UBR1: variants seen among roughly 807,000 people sequenced by gnomAD.
UBR1 encodes ubiquitin protein ligase E3 component n-recognin 1, also known as E3 ubiquitin-protein ligase UBR1.
A neutral mutation model predicts 242.1 loss-of-function variants in UBR1; 102 were observed. The observed-to-expected ratio is 0.42, with a 90% CI of 0.36 to 0.50. The LOEUF (loss-of-function observed/expected upper bound fraction) is 0.50. Among genes scored for constraint, UBR1 ranks in the 20% least tolerant of loss-of-function variants. The pLI, the probability that UBR1 is intolerant of heterozygous loss-of-function variation, is 0.01. For missense variants in UBR1, 1,772 were observed against 2,101.8 expected (o/e 0.84, Z 3.07); for synonymous variants, 675 against 684.8 (o/e 0.99, Z 0.22).
At chr15:43,008,802 G>A (rs2032873137) in intron 29 of UBR1, among the ~76,000 whole-genome samples, 1 of 152,208 alleles carries the variant, frequency 6.6e-6, no homozygotes, top group Non-Finnish European at 1.5e-5. Flanking sequence ...GCAGGAAGGA[G>A]CTACCCAATT....
rs1215477910 is a variant in UBR1 at position 43,021,275 on chromosome 15, C to T, written c.2940G>A (p.Gln980=). The part of the protein sequence containing the change: ...GQKDMITWIL[Q]MFDTVKRLRE... Reference sequence around the variant, plus strand: ...TGATCACTTTACTTTTTTAGTTTACCTGAAGTATCCACGTTATCATGTCCT... The same window carrying T: ...TGATCACTTTACTTTTTTAGTTTACTTGAAGTATCCACGTTATCATGTCCT... The change falls in exon 27 of 47, where the codon CAG becomes CAA. Residue 980 remains glutamine, a splice_region_variant and synonymous_variant. Coordinates refer to ENST00000290650, the MANE Select transcript of UBR1 (RefSeq NM_174916.3). 1 of 1,613,196 alleles carries T rather than the reference C, an allele frequency of 6.2e-7. No individual in the cohort carries two copies. Among genetic ancestry groups the T allele is most frequent in the Non-Finnish European group, 8.5e-7 (1 of 1,179,374 alleles).
chr15:43,034,888 CAA>C (rs201319494), intron 19 of UBR1, among the ~76,000 whole-genome samples: 12 of 91,692 alleles, frequency 1.3e-4, no homozygotes, highest in Non-Finnish European at 1.5e-4. Flanking sequence ...ACGCCATCTC[CAA>C]AAAAAAAAAA....
At chr15:43,013,987 T>C (rs1036810337) in intron 29 of UBR1, among the ~76,000 whole-genome samples, 1 of 152,130 alleles carries the variant, frequency 6.6e-6, no homozygotes, top group African/African-American at 2.4e-5. Flanking sequence ...CCCCGCCTGA[T>C]TCTCCTGCCT....
intron 3 of UBR1, among the ~76,000 whole-genome samples, chr15:43,079,736 C>G (rs1160774018): frequency 1.3e-5 from 2 of 151,908 alleles, no homozygotes; most frequent in African/African-American, 4.8e-5. Flanking sequence ...GAGCTGAGAT[C>G]GTGCCACTGC....
At chr15:42,953,541 G>A (rs899380724) in intron 44 of UBR1, among the ~76,000 whole-genome samples, 1 of 152,162 alleles carries the variant, frequency 6.6e-6, no homozygotes, top group Non-Finnish European at 1.5e-5. Flanking sequence ...TTTCACTTCC[G>A]GGAGGTTGCT....
At chr15:43,013,929 C>T (rs535153953) in intron 29 of UBR1, among the ~76,000 whole-genome samples, 93 of 152,082 alleles carry the variant, frequency 6.1e-4, no homozygotes, top group Middle Eastern at 3.4e-3. Flanking sequence ...CCTCTGATGC[C>T]GAGCTGAAGC....
intron 1 of UBR1, among the ~76,000 whole-genome samples, chr15:43,089,087 G>A (rs964757104): frequency 4.6e-5 from 7 of 151,598 alleles, no homozygotes; most frequent in African/African-American, 1.2e-4. Flanking sequence ...GCTTGAACCC[G>A]AGAGGCAGAA....
At chr15:43,029,170 C>G (rs1182003138) in intron 21 of UBR1, among the ~76,000 whole-genome samples, 1 of 151,420 alleles carries the variant, frequency 6.6e-6, no homozygotes, top group Non-Finnish European at 1.5e-5. Context: ...AAAGCCTTGA[C>G]AGCACAAATA....
intron 29 of UBR1, among the ~76,000 whole-genome samples, chr15:43,008,054 G>C (rs763932745): frequency 6.6e-6 from 1 of 152,192 alleles, no homozygotes; most frequent in Admixed American, 6.5e-5. Flanking sequence ...TGTGAAGCTA[G>C]GCACTGTTTC....
chr15:43,018,927 T>C (rs184780524), intron 27 of UBR1, among the ~76,000 whole-genome samples: 49 of 152,366 alleles, frequency 3.2e-4, no homozygotes, highest in African/African-American at 1.1e-3. Context: ...AATGCTGAAC[T>C]AAATGGTACC....
At chr15:43,099,359 T>C (rs768850663) in intron 1 of UBR1, among the ~76,000 whole-genome samples, 6 of 151,932 alleles carry the variant, frequency 3.9e-5, no homozygotes, top group Non-Finnish European at 8.8e-5. Context: ...CCTACAGATA[T>C]GAGATTATGG....
In UBR1 at chr15:43,007,094, T is replaced by C. The variant is rs763608145; in HGVS notation, c.3400A>G (p.Ile1134Val). ...TAATACATACCTCCTGAGAGTTCTATGGGTTTTCCCCTGTGCTGGGTTAAG... is the reference window on the plus strand; with the variant it reads ...TAATACATACCTCCTGAGAGTTCTACGGGTTTTCCCCTGTGCTGGGTTAAG... The part of the protein sequence containing the change: ...TALTQHRGKP[I>V]ELSGEALDPL... Residue 1134 changes from isoleucine to valine, a missense_variant, in exon 30 of 47, where the codon ATA (isoleucine) becomes GTA (valine). By Grantham distance (29) the Ile-to-Val change is conservative (BLOSUM62 3). Transcript: ENST00000290650. The C allele has an allele frequency of 6.2e-7, 1 of 1,614,208 alleles. No individual in the cohort carries two copies. The highest frequency in any genetic ancestry group is 8.5e-7 in the Non-Finnish European group (1 of 1,180,032).
In UBR1 at chr15:43,029,122, C is replaced by A. The variant is rs190833173; in HGVS notation, c.2379+822G>T. 3.1e-4 allele frequency among the ~76,000 whole-genome samples: 47 copies of A among 152,178 alleles called. No homozygotes were observed. The East Asian group carries it at 3.5e-3, about 11-fold the overall frequency. On this transcript the variant is annotated intron_variant, in intron 21 of 46. Transcript: ENST00000290650. ...AAATAAATAAAAACAAATACACACACACGCACACACACACACATCTCTATT... is the reference window on the plus strand; with the variant it reads ...AAATAAATAAAAACAAATACACACAAACGCACACACACACACATCTCTATT...
rs2031706411 is a variant in UBR1 at position 42,944,838 on chromosome 15, T to G, written c.*491A>C. On this transcript the variant is annotated 3_prime_UTR_variant, in exon 47 of 47. Coordinates refer to ENST00000290650, the MANE Select transcript of UBR1 (RefSeq NM_174916.3). ...CCTTAAAAGAGAAATAATAAAAAAT[T>G]TATTTTTGGAATCTTTCCCAAGTAT... The G allele has an allele frequency of 5.8e-6, 1 of 173,110 alleles. No homozygotes were observed. Among genetic ancestry groups the G allele is most frequent in the Non-Finnish European group, 1.2e-5 (1 of 80,902 alleles). 10.7% of individuals were successfully genotyped at this position (173,110 alleles called of 1,614,324 possible).
intron 44 of UBR1, among the ~76,000 whole-genome samples, chr15:42,954,407 A>C (rs988420110): frequency 6.6e-6 from 1 of 152,104 alleles, no homozygotes; most frequent in African/African-American, 2.4e-5. Flanking sequence ...TTATACTGTA[A>C]CAGTGGCTAG....
Position 43,081,992 on chromosome 15 carries a change from A to T in UBR1, c.417+646T>A, listed in dbSNP as rs148322418. Among the ~76,000 whole-genome samples the T allele has an allele frequency of 4.0e-3, 613 of 152,144 alleles. 6 individuals are homozygous for T. Among genetic ancestry groups the T allele is most frequent in the African/African-American group, 0.014 (583 of 41,560 alleles). On this transcript the variant is annotated intron_variant, in intron 3 of 46. Coordinates refer to ENST00000290650, the MANE Select transcript of UBR1 (RefSeq NM_174916.3). ...AATATTATATACATAATATGTTCTT[A>T]AAAAAGCACAATGTATAATTTTATA...
chr15:42,955,016 A>T (rs1255575082), intron 44 of UBR1, among the ~76,000 whole-genome samples: 3 of 152,028 alleles, frequency 2.0e-5, no homozygotes, highest in Non-Finnish European at 2.9e-5. Context: ...AAAATACAAA[A>T]ATTAGCCAGG....
At chr15:42,980,343 G>A (rs1316400627) in intron 37 of UBR1, among the ~76,000 whole-genome samples, 1 of 151,990 alleles carries the variant, frequency 6.6e-6, no homozygotes, top group East Asian at 1.9e-4. Context: ...TAAACACCTC[G>A]GCAAAGTTTA....
At chr15:42,997,271 G>T (rs2032654958) in intron 33 of UBR1, among the ~76,000 whole-genome samples, 1 of 152,140 alleles carries the variant, frequency 6.6e-6, no homozygotes, top group Non-Finnish European at 1.5e-5. Context: ...ATGACCCCCA[G>T]ATGGGACCAT....
Sources: gnomAD v4.1 joint callset for allele counts (sites outside exome capture counted in the v4.1 genomes callset) on GRCh38, gnomAD v4.1.1 for gene constraint, MANE v1.5 for transcripts, NCBI Gene and HGNC (gene_info 2026-07-23, HGNC 2026-07-21) for gene names.